Variants in CWC22 observed in about 807,000 individuals in gnomAD.
The protein encoded by CWC22 is pre-mRNA-splicing factor CWC22 homolog.
CWC22 carries 53 observed loss-of-function variants against 117.2 expected under a neutral mutation model. The ratio of observed to expected loss-of-function variants is 0.45; its 90% CI spans 0.36 to 0.57. CWC22 has a LOEUF of 0.57. Among genes scored for constraint, CWC22 ranks in the 20% least tolerant of loss-of-function variants. The probability of loss-of-function intolerance (pLI) is 0.00; values close to 1 mark genes in which losing one functional copy is unlikely to be tolerated. For synonymous variants in CWC22, 360 were observed against 355.6 expected, an observed-to-expected ratio of 1.01 and a Z score of -0.14; for missense variants, 980 against 1,068.8, an observed-to-expected ratio of 0.92 and a Z score of 1.16.
intron 1 of CWC22, among the ~76,000 whole-genome samples, chr2:179,999,628 T>C (rs1047125177): frequency 6.6e-6 from 1 of 152,168 alleles, no homozygotes; most frequent in Admixed American, 6.5e-5. Context: ...AGCAAAACAC[T>C]TCTACCATTG....
At chr2:180,003,758 CAT>C (rs1687902502) in intron 1 of CWC22, among the ~76,000 whole-genome samples, 1 of 152,174 alleles carries the variant, frequency 6.6e-6, no homozygotes, top group Non-Finnish European at 1.5e-5. Flanking sequence ...ACAGGTTAAA[CAT>C]GAGTCACCGA....
rs747543911 is a variant in CWC22, at chr2:180,004,260, G to A, written c.-114+2607C>T. Among the ~76,000 whole-genome samples the A allele has an allele frequency of 4.5e-4, 69 of 152,184 alleles. 1 individual carries two copies. Among genetic ancestry groups the A allele is most frequent in the Non-Finnish European group, 1.0e-4 (7 of 68,034 alleles). On this transcript the variant is annotated intron_variant, in intron 1 of 19. Coordinates refer to ENST00000410053, the MANE Select transcript of CWC22 (RefSeq NM_020943.3). ...ACAATAAATTGAAAATATTATTCAA[G>A]TTAAGGCATGGGCATCTGAAATACA...
At chr2:180,003,050 A>G (rs558246407) in intron 1 of CWC22, among the ~76,000 whole-genome samples, 1 of 149,510 alleles carries the variant, frequency 6.7e-6, no homozygotes, top group South Asian at 2.1e-4. Context: ...GATTACTCCA[A>G]TTTCTGCCTA....
At chr2:179,953,904 C>T (rs562242802) in intron 16 of CWC22, among the ~76,000 whole-genome samples, 42 of 152,166 alleles carry the variant, frequency 2.8e-4, no homozygotes, top group South Asian at 2.5e-3. Flanking sequence ...TGTGCATGCA[C>T]GTGTGTGTAC....
intron 1 of CWC22, among the ~76,000 whole-genome samples, chr2:179,999,442 G>C (rs1687791563): frequency 6.6e-6 from 1 of 152,092 alleles, no homozygotes; most frequent in South Asian, 2.1e-4. Flanking sequence ...TTAAAAAAAA[G>C]ATAGTTTTTC....
chr2:179,952,394 C>T (rs1686473009), intron 17 of CWC22, 77 bp downstream of exon 17: 15 of 1,058,484 alleles, frequency 1.4e-5, no homozygotes, highest in Non-Finnish European at 1.8e-5. Context: ...TTTACAGTCT[C>T]GGATGGGCTT....
intron 2 of CWC22, among the ~76,000 whole-genome samples, chr2:179,991,673 C>T (rs752352152): frequency 9.2e-5 from 14 of 152,118 alleles, no homozygotes; most frequent in African/African-American, 1.9e-4. Flanking sequence ...AAGATCTGAG[C>T]GCTCTTGTCT....
chr2:179,981,586 G>T (rs1172176516), intron 5 of CWC22, among the ~76,000 whole-genome samples, 166 bp downstream of exon 5: 1 of 152,190 alleles, frequency 6.6e-6, no homozygotes, highest in Non-Finnish European at 1.5e-5. Context: ...AGGGCACGTA[G>T]TGTGTGGCTC....
Position 179,965,864 on chromosome 2 carries a change from T to G in CWC22, c.1315+14A>C, listed in dbSNP as rs751526898. 7 of 1,395,978 alleles carry G rather than the reference T, an allele frequency of 5.0e-6. No individual in the cohort carries two copies. In the African/African-American group the frequency reaches 1.0e-4, roughly 20 times the overall value. 86.5% of individuals were successfully genotyped at this position (1,395,978 alleles called of 1,614,324 possible). ...AGTATCTTATAATATTATTTGAATA[T>G]GCTACATGTTTACCTTCTTCATCTT... On this transcript the variant is annotated intron_variant, in intron 12 of 19. Coordinates refer to ENST00000410053, the MANE Select transcript of CWC22 (RefSeq NM_020943.3).
intron 1 of CWC22, among the ~76,000 whole-genome samples, chr2:179,996,671 GA>G (rs1365721205): frequency 1.3e-5 from 2 of 150,376 alleles, no homozygotes; most frequent in East Asian, 1.9e-4. Context: ...GAGGATGAAG[GA>G]AAAAAAAGGA....
In CWC22 at chr2:179,954,330, T is replaced by C. The variant is rs1458045558; in HGVS notation, c.1564A>G (p.Met522Val). The C allele has an allele frequency of 3.8e-6, 6 of 1,592,308 alleles. No individual in the cohort carries two copies. Among genetic ancestry groups the C allele is most frequent in the Non-Finnish European group, 4.3e-6 (5 of 1,164,570 alleles). Reference sequence around the variant, plus strand: ...TTGAATATACCTTCAAAGGATTCCATGTACTCTTTCTTTAGCATGCAAAAT... The same window carrying C: ...TTGAATATACCTTCAAAGGATTCCACGTACTCTTTCTTTAGCATGCAAAAT... Reference protein sequence around the residue: ...GRFCMLKKEYMESFEGIFKEQ... With the variant: ...GRFCMLKKEYVESFEGIFKEQ... Residue 522 changes from methionine (M) to valine (V), a missense_variant, in exon 16 of 20, where the codon ATG becomes GTG. Around this residue, in one of 3 missense-constraint regions of CWC22, gnomAD observed 115 missense variants for 169.8 expected, o/e 0.68. Transcript: ENST00000410053.
intron 1 of CWC22, among the ~76,000 whole-genome samples, chr2:180,004,374 T>A (rs1687918715): frequency 6.6e-6 from 1 of 152,108 alleles, no homozygotes; most frequent in South Asian, 2.1e-4. Flanking sequence ...GAAGGAGAGT[T>A]AACTTCTTTT....
intron 13 of CWC22, among the ~76,000 whole-genome samples, 174 bp downstream of exon 13, chr2:179,964,373 G>A (rs915115250): frequency 4.6e-5 from 7 of 152,090 alleles, no homozygotes; most frequent in African/African-American, 7.2e-5. Flanking sequence ...TGCCTATAAA[G>A]CAAAGAACCA....
At chr2:179,990,535 A>G (rs1322145066) in intron 2 of CWC22, among the ~76,000 whole-genome samples, 2 of 104,764 alleles carry the variant, frequency 1.9e-5, no homozygotes, top group African/African-American at 7.7e-5. Flanking sequence ...AGAGTGAGTG[A>G]GTGAGACAGA....
At chr2:179,996,572 T>C (rs937160345) in intron 1 of CWC22, among the ~76,000 whole-genome samples, 1 of 152,082 alleles carries the variant, frequency 6.6e-6, no homozygotes. Context: ...GACCATGTTC[T>C]CATTTACATG....
Position 179,945,553 on chromosome 2 carries a change from CTG to C in CWC22, c.2301_2302del (p.His767GlnfsTer26), listed in dbSNP as rs1452319293. On this transcript the variant is annotated frameshift_variant, in exon 20 of 20. Transcript: ENST00000410053. LOFTEE classifies it high-confidence loss of function. ...ATTTGAACCACTTGAATTTTGATCTCTGTGTTTTTCTGACCTTCTTTCTCTCT... is the reference window on the plus strand; with the variant it reads ...ATTTGAACCACTTGAATTTTGATCTCTGTTTTTCTGACCTTCTTTCTCTCT... 1.9e-6 allele frequency: 3 copies of C among 1,613,068 alleles called. No individual in the cohort carries two copies. The highest frequency in any genetic ancestry group is 2.5e-6 in the Non-Finnish European group (3 of 1,179,430).
At chr2:180,005,493 A>G (rs1398626000) in intron 1 of CWC22, among the ~76,000 whole-genome samples, 1 of 152,062 alleles carries the variant, frequency 6.6e-6, no homozygotes, top group Non-Finnish European at 1.5e-5. Context: ...GGAGAATGGC[A>G]TGAACTAGGG....
intron 1 of CWC22, among the ~76,000 whole-genome samples, chr2:180,002,200 C>T (rs1395726670): frequency 6.6e-6 from 1 of 152,218 alleles, no homozygotes; most frequent in African/African-American, 2.4e-5. Context: ...CTTAAACCAG[C>T]TCTTCTTCTA....
At chr2:179,967,821 T>C (rs1245677941) in intron 11 of CWC22, among the ~76,000 whole-genome samples, 1 of 152,156 alleles carries the variant, frequency 6.6e-6, no homozygotes, top group African/African-American at 2.4e-5. Context: ...GAATTAGCTA[T>C]TTTTTTCATT....
Sources: gnomAD v4.1 joint callset for allele counts (sites outside exome capture counted in the v4.1 genomes callset) on GRCh38, gnomAD v4.1.1 for gene constraint, gnomAD v4.1.1 regional missense constraint, MANE v1.5 for transcripts, NCBI Gene and HGNC (gene_info 2026-07-23, HGNC 2026-07-21) for gene names.